VKORC1L1: variants seen among roughly 807,000 people sequenced by gnomAD.
VKORC1L1 encodes the protein vitamin K epoxide reductase complex subunit 1L1, also known as vitamin K epoxide reductase complex subunit 1-like protein 1.
In VKORC1L1, 2 loss-of-function variants were observed where a neutral mutation model predicts 18.9. The ratio of observed to expected loss-of-function variants is 0.11; its 90% CI spans 0.04 to 0.33. The LOEUF (loss-of-function observed/expected upper bound fraction) is 0.33. Ranked by LOEUF, VKORC1L1 falls within the 10% of genes least tolerant of loss-of-function variation. The probability of loss-of-function intolerance (pLI) is 1.00; values close to 1 mark genes in which losing one functional copy is unlikely to be tolerated. For missense variants in VKORC1L1, 123 were observed against 224.1 expected (o/e 0.55, Z 2.88); for synonymous variants, 96 against 100.0 (o/e 0.96, Z 0.24).
chr7:65,921,046 T>G (rs1469918514), intron 1 of VKORC1L1, among the ~76,000 whole-genome samples: 3 of 151,648 alleles, frequency 2.0e-5, no homozygotes, highest in Admixed American at 6.6e-5. Context: ...CTTACATTTA[T>G]TAGTATCTTT....
intron 1 of VKORC1L1, among the ~76,000 whole-genome samples, chr7:65,903,773 CAAAAAAA>C (rs59067443): frequency 8.8e-6 from 1 of 113,242 alleles, no homozygotes; most frequent in Non-Finnish European, 1.8e-5. Flanking sequence ...GACCGTGTCT[CAAAAAAA>C]AAAAAAAAAA....
At chr7:65,922,205 C>T (rs192759626) in intron 1 of VKORC1L1, among the ~76,000 whole-genome samples, 1 of 151,700 alleles carries the variant, frequency 6.6e-6, no homozygotes, top group African/African-American at 2.4e-5. Flanking sequence ...CATTTAGTCT[C>T]CCTCGTATTT....
chr7:65,878,424 G>A (rs1045400642), intron 1 of VKORC1L1, among the ~76,000 whole-genome samples: 3 of 151,830 alleles, frequency 2.0e-5, no homozygotes, highest in South Asian at 2.1e-4. Context: ...TCCTGCCTGG[G>A]CAATAAGAGG....
At chr7:65,880,849 T>C (rs1464258097) in intron 1 of VKORC1L1, among the ~76,000 whole-genome samples, 1 of 152,230 alleles carries the variant, frequency 6.6e-6, no homozygotes, top group Admixed American at 6.5e-5. Context: ...CATGTACTCT[T>C]GTAAACACTG....
At chr7:65,891,628 A>G (rs966303904) in intron 1 of VKORC1L1, among the ~76,000 whole-genome samples, 1 of 152,006 alleles carries the variant, frequency 6.6e-6, no homozygotes, top group South Asian at 2.1e-4. Context: ...ATTCTCTTAA[A>G]GGTGTCTCTT....
At chr7:65,949,789 C>T (rs1483437211) in intron 2 of VKORC1L1, among the ~76,000 whole-genome samples, 1 of 152,082 alleles carries the variant, frequency 6.6e-6, no homozygotes, top group Admixed American at 6.6e-5. Context: ...GTCTCAAAAA[C>T]TAATAATTTA....
rs147871711 is a variant in VKORC1L1, at chr7:65,899,136, C to T, written c.194+25571C>T. 7.4e-3 allele frequency among the ~76,000 whole-genome samples: 1,128 copies of T among 152,328 alleles called. 15 individuals are homozygous for T. The highest frequency in any genetic ancestry group is 0.025 in the African/African-American group (1,059 of 41,566). On this transcript the variant is annotated intron_variant, in intron 1 of 2. Coordinates refer to ENST00000360768, the MANE Select transcript of VKORC1L1 (RefSeq NM_173517.6). Reference sequence around the variant, plus strand: ...AACCAATATTAAATGCCAGTTTGGGCAGCAAAACAACTTTCTGCCAAAGTG... The same window carrying T: ...AACCAATATTAAATGCCAGTTTGGGTAGCAAAACAACTTTCTGCCAAAGTG...
At chr7:65,952,467 A>G (rs1020640301) in intron 2 of VKORC1L1, among the ~76,000 whole-genome samples, 2 of 152,104 alleles carry the variant, frequency 1.3e-5, no homozygotes, top group South Asian at 2.1e-4. Flanking sequence ...GAAGTGCCCT[A>G]TGAAAGCATC....
intron 2 of VKORC1L1, among the ~76,000 whole-genome samples, chr7:65,949,976 A>G (rs1790186196): frequency 6.6e-6 from 1 of 152,204 alleles, no homozygotes; most frequent in Non-Finnish European, 1.5e-5. Context: ...AGTATCAAAA[A>G]ACACAGATAT....
chr7:65,897,089 A>G (rs1387927153), intron 1 of VKORC1L1, among the ~76,000 whole-genome samples: 1 of 152,348 alleles, frequency 6.6e-6, no homozygotes, highest in Non-Finnish European at 1.5e-5. Context: ...AGCTGGGAAG[A>G]AATAGTTGCC....
At chr7:65,940,357 T>A (rs141461108) in intron 1 of VKORC1L1, among the ~76,000 whole-genome samples, 33 of 152,200 alleles carry the variant, frequency 2.2e-4, no homozygotes, top group African/African-American at 7.9e-4. Context: ...ACCCAAACAA[T>A]CAATCAATTA....
At chr7:65,940,221 C>T (rs35087093) in intron 1 of VKORC1L1, among the ~76,000 whole-genome samples, 18,856 of 151,950 alleles carry the variant, frequency 0.12, 1,329 homozygotes, top group Middle Eastern at 0.21. Flanking sequence ...GATGGGGTCT[C>T]ACCATGTTGC....
intron 1 of VKORC1L1, among the ~76,000 whole-genome samples, chr7:65,894,196 C>G (rs1416714126): frequency 6.6e-6 from 1 of 151,920 alleles, no homozygotes. Flanking sequence ...CTCAGGCGAT[C>G]CACCTGCCTC....
intron 1 of VKORC1L1, among the ~76,000 whole-genome samples, chr7:65,879,941 T>A (rs1788900425): frequency 6.6e-6 from 1 of 151,922 alleles, no homozygotes; most frequent in African/African-American, 2.4e-5. Context: ...AGCCTCAACC[T>A]CCCTGGGTCA....
At chr7:65,932,971 G>A (rs933332506) in intron 1 of VKORC1L1, among the ~76,000 whole-genome samples, 6 of 151,852 alleles carry the variant, frequency 4.0e-5, no homozygotes, top group African/African-American at 1.2e-4. Context: ...CCAGCTACTC[G>A]GGAGGCTGAG....
At chr7:65,920,463 G>A (rs780338210) in intron 1 of VKORC1L1, among the ~76,000 whole-genome samples, 2 of 152,178 alleles carry the variant, frequency 1.3e-5, no homozygotes, top group Non-Finnish European at 2.9e-5. Context: ...CTGGAGCATA[G>A]ACTGGTATAG....
chr7:65,927,938 G>A (rs1415363507), intron 1 of VKORC1L1, among the ~76,000 whole-genome samples: 1 of 152,170 alleles, frequency 6.6e-6, no homozygotes, highest in Non-Finnish European at 1.5e-5. Context: ...GCTGCTGGGT[G>A]AAAGGGGAGG....
intron 1 of VKORC1L1, among the ~76,000 whole-genome samples, chr7:65,899,788 T>G (rs1789278596): frequency 1.3e-5 from 2 of 150,420 alleles, no homozygotes; most frequent in African/African-American, 4.9e-5. Context: ...TCATCTTAGG[T>G]CAGGAGTTTG....
At chr7:65,908,393 A>G (rs1453397461) in intron 1 of VKORC1L1, among the ~76,000 whole-genome samples, 3 of 152,158 alleles carry the variant, frequency 2.0e-5, no homozygotes, top group Non-Finnish European at 4.4e-5. Flanking sequence ...AGCTTGGGTG[A>G]CAGAGCAAGA....
Sources: allele counts gnomAD v4.1 joint callset (sites outside exome capture counted in the v4.1 genomes callset), GRCh38; gene constraint gnomAD v4.1.1; transcripts MANE v1.5; gene names NCBI Gene and HGNC (gene_info 2026-07-23, HGNC 2026-07-21).